The following LINGO2 variants were observed in gnomAD, a reference collection of about 807,000 sequenced individuals.
LINGO2 encodes the protein leucine rich repeat and Ig domain containing 2.
LINGO2 carries 14 observed loss-of-function variants against 30.6 expected under a neutral mutation model. The ratio of observed to expected loss-of-function variants is 0.46; its 90% CI spans 0.30 to 0.72. LINGO2 has a LOEUF of 0.72. Among genes scored for constraint, LINGO2 ranks in the 30% least tolerant of loss-of-function variants. The pLI is 0.07. For missense variants in LINGO2, 729 were observed against 751.7 expected (o/e 0.97, Z 0.35); for synonymous variants, 317 against 288.5 (o/e 1.10, Z -1.00).
the LINGO2 span, among the ~76,000 whole-genome samples, chr9:29,187,338 A>G: frequency 2.1e-3 from 313 of 152,310 alleles, 1 homozygote; most frequent in Non-Finnish European, 2.1e-3. Context: ...ATTGCATCTT[A>G]TAAGAAAACA....
intron 1 of LINGO2, among the ~76,000 whole-genome samples, chr9:28,607,975 G>A (rs1212627542): frequency 6.6e-6 from 1 of 152,000 alleles, no homozygotes; most frequent in Non-Finnish European, 1.5e-5. Flanking sequence ...ATTACAGCAT[G>A]CATGTTAAGA....
chr9:28,535,305 A>G (rs927007353), intron 1 of LINGO2, among the ~76,000 whole-genome samples: 5 of 152,152 alleles, frequency 3.3e-5, no homozygotes, highest in African/African-American at 9.6e-5. Flanking sequence ...CACTTTCAAA[A>G]TTATAATTAA....
chr9:29,093,949 A>G, the LINGO2 span, among the ~76,000 whole-genome samples: 1 of 138,476 alleles, frequency 7.2e-6, no homozygotes, highest in Non-Finnish European at 1.6e-5. Context: ...GACAAACTTG[A>G]TTTATTGACT....
At chr9:28,810,835 G>A in the LINGO2 span, among the ~76,000 whole-genome samples, 1 of 152,016 alleles carries the variant, frequency 6.6e-6, no homozygotes, top group African/African-American at 2.4e-5. Context: ...CAATCTTACT[G>A]AAGATTGAAG....
chr9:28,710,519 T>C, the LINGO2 span, among the ~76,000 whole-genome samples: 1 of 152,224 alleles, frequency 6.6e-6, no homozygotes, highest in East Asian at 1.9e-4. Context: ...AGATTTTTTT[T>C]CAAAAAATGC....
At chr9:28,848,072 A>AG in the LINGO2 span, among the ~76,000 whole-genome samples, 14,940 of 47,876 alleles carry the variant, frequency 0.31, 3,530 homozygotes, top group East Asian at 0.61. Flanking sequence ...TGTATATAAT[A>AG]TATATATACA....
chr9:29,011,246 T>C, the LINGO2 span, among the ~76,000 whole-genome samples: 137,155 of 152,250 alleles, frequency 0.9, 61,991 homozygotes, highest in Non-Finnish European at 0.93. Flanking sequence ...AACCAAATAG[T>C]ACCTTGAGTA....
chr9:28,658,792 C>T (rs1201908429), intron 1 of LINGO2, among the ~76,000 whole-genome samples: 1 of 151,896 alleles, frequency 6.6e-6, no homozygotes, highest in Non-Finnish European at 1.5e-5. Context: ...TAACACAATA[C>T]CTGTAGATTA....
intron 3 of LINGO2, among the ~76,000 whole-genome samples, chr9:28,321,334 T>C (rs1435199192): frequency 1.3e-5 from 2 of 152,118 alleles, no homozygotes; most frequent in Non-Finnish European, 2.9e-5. Context: ...CCACAAGATA[T>C]AACATGTTAG....
At chr9:28,465,032 A>G (rs1407455754) in intron 2 of LINGO2, among the ~76,000 whole-genome samples, 1 of 152,170 alleles carries the variant, frequency 6.6e-6, no homozygotes, top group African/African-American at 2.4e-5. Context: ...CGCCCCACAT[A>G]CAGGCCTGTG....
At chr9:28,638,805 G>T (rs989913131) in intron 1 of LINGO2, among the ~76,000 whole-genome samples, 4 of 151,946 alleles carry the variant, frequency 2.6e-5, no homozygotes, top group African/African-American at 7.2e-5. Flanking sequence ...AGGGTTTTTT[G>T]TATCTCTATT....
chr9:29,183,485 T>C, the LINGO2 span, among the ~76,000 whole-genome samples: 1 of 152,124 alleles, frequency 6.6e-6, no homozygotes, highest in Admixed American at 6.6e-5. Flanking sequence ...AAGGGCAAGG[T>C]CAGGTGCCAG....
intron 2 of LINGO2, among the ~76,000 whole-genome samples, chr9:28,438,848 A>ATG (rs1219554790): frequency 2.5e-4 from 36 of 146,338 alleles, no homozygotes; most frequent in East Asian, 2.0e-3. Context: ...ATATATATAT[A>ATG]TAATGAGATA....
chr9:28,251,543 T>C (rs13440446), intron 4 of LINGO2, among the ~76,000 whole-genome samples: 32,528 of 152,002 alleles, frequency 0.21, 3,780 homozygotes, highest in East Asian at 0.27. Flanking sequence ...ACCTGCCTGA[T>C]TATACAAAAG....
the LINGO2 span, among the ~76,000 whole-genome samples, chr9:29,008,249 C>G: frequency 1.3e-5 from 2 of 152,152 alleles, no homozygotes; most frequent in Non-Finnish European, 2.9e-5. Flanking sequence ...CTACAAAGGA[C>G]AGGAACTCAT....
intron 1 of LINGO2, among the ~76,000 whole-genome samples, chr9:28,494,959 T>G (rs1240722471): frequency 6.6e-6 from 1 of 152,256 alleles, no homozygotes; most frequent in Non-Finnish European, 1.5e-5. Context: ...TGCATTTCTC[T>G]GATGGCCAGT....
the LINGO2 span, among the ~76,000 whole-genome samples, chr9:28,810,726 A>G: frequency 6.6e-6 from 1 of 152,130 alleles, no homozygotes; most frequent in Non-Finnish European, 1.5e-5. Context: ...ATCTATCACC[A>G]TGTTATAAAT....
intron 1 of LINGO2, among the ~76,000 whole-genome samples, chr9:28,582,564 T>A (rs1824311206): frequency 6.6e-6 from 1 of 152,070 alleles, no homozygotes; most frequent in Admixed American, 6.6e-5. Flanking sequence ...GTGACCAGGC[T>A]TCTGAGATCC....
intron 4 of LINGO2, among the ~76,000 whole-genome samples, chr9:28,240,788 A>G (rs1421849517): frequency 1.3e-5 from 2 of 152,208 alleles, no homozygotes; most frequent in Non-Finnish European, 2.9e-5. Flanking sequence ...AAACATGGAC[A>G]AATGGGATCA....
Sources: allele counts gnomAD v4.1 joint callset (sites outside exome capture counted in the v4.1 genomes callset), GRCh38; gene constraint gnomAD v4.1.1; transcripts MANE v1.5; gene names NCBI Gene and HGNC (gene_info 2026-07-23, HGNC 2026-07-21).